Variants in CCDC73 observed in about 807,000 individuals in gnomAD.
CCDC73 encodes the protein coiled-coil domain containing 73.
CCDC73 carries 95 observed loss-of-function variants against 116.5 expected under a neutral mutation model. That is an observed-to-expected ratio of 0.82 (90% CI 0.69 to 0.97). The LOEUF (loss-of-function observed/expected upper bound fraction) is 0.97. CCDC73 is among the 50% of genes least tolerant of loss of function. The pLI, the probability that CCDC73 is intolerant of heterozygous loss-of-function variation, is 0.00. For synonymous variants in CCDC73, 398 were observed against 401.3 expected (o/e 0.99, Z 0.10); for missense variants, 1,066 against 1,206.8 (o/e 0.88, Z 1.73).
rs192573098 is a variant in CCDC73 at position 32,764,134 on chromosome 11, T to C, written c.-15-3876A>G. Among the ~76,000 whole-genome samples the C allele has an allele frequency of 7.1e-3, 1,084 of 152,310 alleles. 12 individuals are homozygous for C. Among genetic ancestry groups the C allele is most frequent in the African/African-American group, 0.024 (1,014 of 41,572 alleles). ...GATGTGAAAAGACCAAATCTATGTC[T>C]GATTGGTGTACCTGAAAGTGACAGG... is the stretch of plus-strand genomic sequence containing the variant. On this transcript the variant is annotated intron_variant, in intron 1 of 17. Coordinates refer to ENST00000335185, the MANE Select transcript of CCDC73 (RefSeq NM_001008391.4).
chr11:32,628,774 A>C (rs1855599496), intron 14 of CCDC73, among the ~76,000 whole-genome samples: 1 of 152,202 alleles, frequency 6.6e-6, no homozygotes, highest in Non-Finnish European at 1.5e-5. Context: ...ACACAATAAA[A>C]ATTTACTGGA....
At chr11:32,628,757 T>C (rs978491472) in intron 14 of CCDC73, among the ~76,000 whole-genome samples, 1 of 152,198 alleles carries the variant, frequency 6.6e-6, no homozygotes, top group African/African-American at 2.4e-5. Flanking sequence ...AAATTCAAAA[T>C]GTTCTAACAC....
intron 6 of CCDC73, among the ~76,000 whole-genome samples, chr11:32,693,740 G>T (rs1189059383): frequency 6.6e-6 from 1 of 152,140 alleles, no homozygotes; most frequent in Admixed American, 6.5e-5. Context: ...TTCATCCCTG[G>T]GATGCAAGGC....
intron 2 of CCDC73, among the ~76,000 whole-genome samples, chr11:32,733,032 T>A (rs146099489): frequency 0.011 from 1,613 of 152,232 alleles, 32 homozygotes; most frequent in African/African-American, 0.037. Flanking sequence ...CCATCTCACG[T>A]GCAGAGACAC....
chr11:32,614,058 C>T lies in CCDC73; in HGVS notation c.2260G>A (p.Asp754Asn). ...TTATTAAATTGACTGTTTTGCATAT[C>T]ACTCATATTTTTACACATAGTTTTT... ...GGKTMCKNMS[D>N]MQNSQFNNCL... The change falls in exon 16 of 18, where the codon GAT becomes AAT. Residue 754 changes from aspartate (D) to asparagine (N), a missense_variant. Asp to Asn is a conservative substitution (Grantham distance 23). Transcript: ENST00000335185. 1 of 1,612,988 alleles carries T rather than the reference C, an allele frequency of 6.2e-7. No individual in the cohort carries two copies. The highest frequency in any genetic ancestry group is 1.1e-5 in the South Asian group (1 of 91,070).
intron 11 of CCDC73, 22 bp downstream of exon 11, chr11:32,653,956 C>T (rs1390610436): frequency 6.3e-7 from 1 of 1,589,330 alleles, no homozygotes. Context: ...TACTGGCTTC[C>T]AAATAGCTTA....
At chr11:32,688,388 A>G (rs1045795112) in intron 6 of CCDC73, among the ~76,000 whole-genome samples, 3 of 152,246 alleles carry the variant, frequency 2.0e-5, no homozygotes, top group African/African-American at 7.2e-5. Flanking sequence ...TGTCAAAGTT[A>G]TAAAATTCAA....
chr11:32,615,469 A>G (rs575396847), intron 15 of CCDC73, among the ~76,000 whole-genome samples: 1 of 152,304 alleles, frequency 6.6e-6, no homozygotes, highest in East Asian at 1.9e-4. Context: ...ACAAGTATAT[A>G]GAATATCTAC....
chr11:32,636,156 G>C (rs1041404175), intron 13 of CCDC73, among the ~76,000 whole-genome samples: 64 of 152,108 alleles, frequency 4.2e-4, no homozygotes, highest in Non-Finnish European at 1.5e-5. Flanking sequence ...TAAATCTGAG[G>C]ACCGTGTCCT....
chr11:32,611,221 T>A lies in CCDC73; in HGVS notation c.2941A>T (p.Ser981Cys). ...NRVADTLNNW[S>C]IHPDPKGEPS... ...TCTCCCTTGGGATCTGGATGGATACTCCAGTTATTCAAAGTGTCAGCAACT... is the reference window on the plus strand; with the variant it reads ...TCTCCCTTGGGATCTGGATGGATACACCAGTTATTCAAAGTGTCAGCAACT... Residue 981 changes from serine (S) to cysteine (C), a missense_variant, in exon 17 of 18, where the codon AGT becomes TGT. Coordinates refer to ENST00000335185, the MANE Select transcript of CCDC73 (RefSeq NM_001008391.4). The A allele has an allele frequency of 1.9e-6, 3 of 1,613,252 alleles. No homozygotes were observed. Among genetic ancestry groups the A allele is most frequent in the Non-Finnish European group, 2.5e-6 (3 of 1,179,270 alleles).
chr11:32,768,087 G>C (rs1276942339), intron 1 of CCDC73, among the ~76,000 whole-genome samples: 1 of 152,176 alleles, frequency 6.6e-6, no homozygotes, highest in Non-Finnish European at 1.5e-5. Context: ...GTCCATCAAT[G>C]ATAGACTGGA....
chr11:32,741,610 T>G (rs920259084), intron 2 of CCDC73, among the ~76,000 whole-genome samples: 2 of 151,798 alleles, frequency 1.3e-5, no homozygotes, highest in African/African-American at 4.8e-5. Flanking sequence ...AACAGATTGT[T>G]GAGTCTTTTT....
intron 1 of CCDC73, among the ~76,000 whole-genome samples, chr11:32,780,863 C>T (rs1444623823): frequency 6.6e-6 from 1 of 152,190 alleles, no homozygotes; most frequent in Non-Finnish European, 1.5e-5. Flanking sequence ...GGAACCAGGA[C>T]ATGAACCCAG....
chr11:32,653,103 G>T lies in CCDC73; in HGVS notation c.939+20C>A. ...TAAAACACAGATAGATAGACAGACA[G>T]ACAGACAGATAGAACGAACCTGATT... On this transcript the variant is annotated intron_variant, in intron 12 of 17. Transcript: ENST00000335185. 1 of 1,389,856 alleles carries T rather than the reference G, an allele frequency of 7.2e-7. No individual in the cohort carries two copies. The highest frequency in any genetic ancestry group is 1.0e-6 in the Non-Finnish European group (1 of 981,256). The allele number at this position is 1,389,856 out of a possible 1,614,324, so 86.1% of individuals were successfully genotyped here.
intron 1 of CCDC73, among the ~76,000 whole-genome samples, chr11:32,785,038 C>A (rs549955071): frequency 6.6e-6 from 1 of 151,806 alleles, no homozygotes; most frequent in Admixed American, 6.6e-5. Flanking sequence ...TGGTGGTGGG[C>A]GCCTGTAATC....
chr11:32,826,625 C>T, the CCDC73 span, among the ~76,000 whole-genome samples: 3 of 136,758 alleles, frequency 2.2e-5, no homozygotes, highest in Admixed American at 2.4e-4. Context: ...ACCTACTGCC[C>T]TTTATTGCTT....
chr11:32,793,543 G>C (rs1003417938), intron 1 of CCDC73, among the ~76,000 whole-genome samples: 4 of 152,138 alleles, frequency 2.6e-5, no homozygotes, highest in Admixed American at 1.3e-4. Flanking sequence ...AATGACTTAA[G>C]GGTTGTCACT....
chr11:32,720,868 T>C (rs1849983996), intron 2 of CCDC73, among the ~76,000 whole-genome samples: 1 of 152,192 alleles, frequency 6.6e-6, no homozygotes, highest in South Asian at 2.1e-4. Context: ...GAAAATATTT[T>C]ATATCTTGAT....
chr11:32,800,766 A>G, the CCDC73 span, among the ~76,000 whole-genome samples: 1 of 152,204 alleles, frequency 6.6e-6, no homozygotes, highest in African/African-American at 2.4e-5. Flanking sequence ...TAGGAGAAGA[A>G]GAGTGAAGTA....
Sources: gnomAD v4.1 joint callset for allele counts (sites outside exome capture counted in the v4.1 genomes callset) on GRCh38, gnomAD v4.1.1 for gene constraint, MANE v1.5 for transcripts, NCBI Gene and HGNC (gene_info 2026-07-23, HGNC 2026-07-21) for gene names.